WIPI2: variants seen among roughly 807,000 people sequenced by gnomAD.
WIPI2 encodes WD repeat domain, phosphoinositide interacting 2.
A neutral mutation model predicts 52.3 loss-of-function variants in WIPI2; 28 were observed. That is an observed-to-expected ratio of 0.54 (90% confidence interval 0.40 to 0.73). WIPI2 has a LOEUF of 0.73. Among genes scored for constraint, WIPI2 ranks in the 30% least tolerant of loss-of-function variants. The pLI is 0.00. For synonymous variants in WIPI2, 268 were observed against 245.0 expected (o/e 1.09, Z -0.88); for missense variants, 506 against 602.9 (o/e 0.84, Z 1.68).
chr7:5,210,377 G>T (rs774625764), intron 3 of WIPI2, among the ~76,000 whole-genome samples: 3 of 152,166 alleles, frequency 2.0e-5, no homozygotes, highest in Non-Finnish European at 2.9e-5. Context: ...TCCCTCCTCT[G>T]CAGTGCTGGG....
rs142069468 is a variant in WIPI2, at chr7:5,215,832, A to C, written c.382-731A>C. 2.6e-5 allele frequency among the ~76,000 whole-genome samples: 4 copies of C among 152,358 alleles called. No homozygotes were observed. The East Asian group carries it at 7.7e-4, about 29-fold the overall frequency. The stretch of plus-strand genomic sequence containing the variant: ...GTTGTCTCAGCGATGCATCGTCTGC[A>C]TGTCTACATTCATTTTCTTCCAAAT... On this transcript the variant is annotated intron_variant, in intron 4 of 12. Transcript: ENST00000288828.
At chr7:5,206,801 G>C (rs1475025027) in intron 3 of WIPI2, among the ~76,000 whole-genome samples, 1 of 151,948 alleles carries the variant, frequency 6.6e-6, no homozygotes, top group Non-Finnish European at 1.5e-5. Flanking sequence ...ACAGCATCTA[G>C]CTCTGTCACC....
chr7:5,224,468 C>A (rs1031756813), intron 8 of WIPI2, among the ~76,000 whole-genome samples: 5 of 152,206 alleles, frequency 3.3e-5, no homozygotes, highest in African/African-American at 1.2e-4. Context: ...ATGGGAATTG[C>A]AGTAGAGAAA....
intron 7 of WIPI2, among the ~76,000 whole-genome samples, chr7:5,221,920 GC>G (rs1478185741): frequency 6.6e-6 from 1 of 151,532 alleles, no homozygotes; most frequent in Non-Finnish European, 1.5e-5. Context: ...ACAAGGTCTT[GC>G]CCGTGTACCA....
At chr7:5,214,301 G>T (rs367606701) in intron 3 of WIPI2, 14 of 1,520,762 alleles carry the variant, frequency 9.2e-6, no homozygotes, top group Non-Finnish European at 1.2e-5. Flanking sequence ...TTTGTCTTTC[G>T]TGTGAATGCT....
chr7:5,195,446 A>G (rs781481143), intron 2 of WIPI2, among the ~76,000 whole-genome samples: 7 of 152,212 alleles, frequency 4.6e-5, no homozygotes, highest in Non-Finnish European at 7.4e-5. Flanking sequence ...AGATCGCACC[A>G]CTGTGCCCCA....
chr7:5,231,546 T>G lies in WIPI2; in HGVS notation c.*599T>G, dbSNP rs1783724374. The stretch of plus-strand genomic sequence containing the variant: ...TTGGATCGCTCTGGGATTTCTTCCA[T>G]GGTGGACTTTTGTTTCTGATCTTGT... On this transcript the variant is annotated 3_prime_UTR_variant, in exon 13 of 13. Transcript: ENST00000288828. The G allele has an allele frequency of 6.6e-6, 1 of 152,294 alleles. No individual in the cohort carries two copies. The highest frequency in any genetic ancestry group is 2.4e-5 in the African/African-American group (1 of 41,440). The allele number at this position is 152,294 out of a possible 1,614,324, so 9.4% of individuals were successfully genotyped here. A position where few individuals can be genotyped will look rare whatever the true frequency, so the allele number is the denominator to read the frequency against.
At position 5,233,562 on chromosome 7, in the gene WIPI2, CT is replaced by C. The variant is rs1157187499; in HGVS notation, c.*2617del. On this transcript the variant is annotated 3_prime_UTR_variant, in exon 13 of 13. Coordinates refer to ENST00000288828, the MANE Select transcript of WIPI2 (RefSeq NM_015610.4). ...GGCTCAGTGGACTCTGGGACCAAAC[CT>C]TCTGTAATCTCTAAAACAATGGGAC... 2 of 152,628 alleles carry C rather than the reference CT, an allele frequency of 1.3e-5. No individual in the cohort carries two copies. The highest frequency in any genetic ancestry group is 3.9e-4 in the East Asian group (2 of 5,192). 9.5% of individuals were successfully genotyped at this position (152,628 alleles called of 1,614,324 possible). A position where few individuals can be genotyped will look rare whatever the true frequency, so the allele number is the denominator to read the frequency against.
intron 1 of WIPI2, among the ~76,000 whole-genome samples, chr7:5,191,481 C>T (rs1371711297): frequency 6.6e-6 from 1 of 152,166 alleles, no homozygotes; most frequent in South Asian, 2.1e-4. Context: ...GGTGGGTCAT[C>T]CTCAGGGCAA....
intron 11 of WIPI2, 43 bp downstream of exon 11, chr7:5,228,254 CGGG>C (rs932481410): frequency 2.6e-6 from 4 of 1,535,956 alleles, no homozygotes; most frequent in Non-Finnish European, 3.5e-6. Flanking sequence ...TCCGTGCTGG[CGGG>C]GGGCTTTCGG....
At chr7:5,210,256 C>G (rs533429996) in intron 3 of WIPI2, among the ~76,000 whole-genome samples, 1 of 152,330 alleles carries the variant, frequency 6.6e-6, no homozygotes, top group African/African-American at 2.4e-5. Flanking sequence ...TTCCACTTCT[C>G]ATTCTCTTTC....
At chr7:5,205,991 A>G (rs114841916) in intron 3 of WIPI2, among the ~76,000 whole-genome samples, 3,803 of 146,918 alleles carry the variant, frequency 0.026, 155 homozygotes, top group African/African-American at 0.089. Flanking sequence ...GGTTGCAAAT[A>G]TTTTTTTTTT....
chr7:5,214,285 G>A (rs1025490634), intron 3 of WIPI2: 30 of 1,484,146 alleles, frequency 2.0e-5, no homozygotes, highest in South Asian at 9.0e-5. Flanking sequence ...CTGACTGAAA[G>A]GAACCTTTGT....
In WIPI2 at chr7:5,216,608, C is replaced by T; in HGVS notation, c.427C>T (p.Arg143Trp). 1 of 1,614,126 alleles carries T rather than the reference C, an allele frequency of 6.2e-7. No individual in the cohort carries two copies. The highest frequency in any genetic ancestry group is 8.5e-7 in the Non-Finnish European group (1 of 1,180,024). ...LEESLYIHNI[R>W]DMKVLHTIRE... ...GGAGTCCCTGTACATCCACAACATT[C>T]GGGACATGAAGGTGCTGCATACGAT... The change falls in exon 5 of 13, where the codon CGG becomes TGG. Residue 143 changes from arginine to tryptophan, a missense_variant. By Grantham distance (101) the Arg-to-Trp change is moderately radical. Around this residue, in one of 4 missense-constraint regions of WIPI2, gnomAD observed 237 missense variants for 346.9 expected, o/e 0.68. Coordinates refer to ENST00000288828, the MANE Select transcript of WIPI2 (RefSeq NM_015610.4).
chr7:5,226,328 G>T (rs1007544051), intron 9 of WIPI2: 1 of 196,638 alleles, frequency 5.1e-6, no homozygotes. Context: ...GCTTCCACAA[G>T]AATTTATTAT....
intron 8 of WIPI2, among the ~76,000 whole-genome samples, chr7:5,225,266 G>A (rs1424537628): frequency 3.9e-5 from 6 of 151,922 alleles, no homozygotes; most frequent in South Asian, 2.1e-4. Context: ...TCAGCCTCCC[G>A]AGTAGCTGGG....
Position 5,227,693 on chromosome 7 carries a change from C to T in WIPI2, c.1013+349C>T, listed in dbSNP as rs1418877037. On this transcript the variant is annotated intron_variant, in intron 10 of 12. Transcript: ENST00000288828. The surrounding 1 kb of genome is among the most constrained non-coding windows in gnomAD (Gnocchi z 8.1). ...TCCGTCCGGCTCCAGGGTCTGGCCT[C>T]AGAACACACACAGGGCCTGTGGAGG... Among the ~76,000 whole-genome samples the T allele has an allele frequency of 6.6e-6, 1 of 152,214 alleles. No homozygotes were observed. The highest frequency in any genetic ancestry group is 2.4e-5 in the African/African-American group (1 of 41,456).
chr7:5,227,655 C>T lies in WIPI2; in HGVS notation c.1013+311C>T, dbSNP rs551876068. Among the ~76,000 whole-genome samples, 1 of 152,280 alleles carries T rather than the reference C, an allele frequency of 6.6e-6. No homozygotes were observed. The highest frequency in any genetic ancestry group is 6.5e-5 in the Admixed American group (1 of 15,290). ...TTGGGGCCACAGAAACCGCACTTGC[C>T]GAGTCTCAGGCATCCGTCCGGCTCC... On this transcript the variant is annotated intron_variant, in intron 10 of 12. Transcript: ENST00000288828. The surrounding 1 kb of genome is among the most constrained non-coding windows in gnomAD (Gnocchi z 8.1).
At chr7:5,225,141 T>G (rs1381290164) in intron 8 of WIPI2, among the ~76,000 whole-genome samples, 1 of 152,012 alleles carries the variant, frequency 6.6e-6, no homozygotes, top group Non-Finnish European at 1.5e-5. Context: ...CTCTGTCTTT[T>G]TTTTTTTTTA....
Sources: allele counts gnomAD v4.1 joint callset (sites outside exome capture counted in the v4.1 genomes callset), GRCh38; gene constraint gnomAD v4.1.1; regional missense constraint gnomAD v4.1.1; non-coding constraint Gnocchi (gnomAD v3.1); transcripts MANE v1.5; gene names NCBI Gene and HGNC (gene_info 2026-07-23, HGNC 2026-07-21).